Variants in PDE7B observed in about 807,000 individuals in gnomAD.
PDE7B encodes the protein phosphodiesterase 7B.
In PDE7B, 29 loss-of-function variants were observed where a neutral mutation model predicts 56.2. The ratio of observed to expected loss-of-function variants is 0.52; its 90% CI spans 0.38 to 0.70. PDE7B has a LOEUF of 0.70. PDE7B is among the 30% of genes least tolerant of loss of function. PDE7B has a pLI of 0.00. For synonymous variants in PDE7B, 197 were observed against 196.9 expected (o/e 1.00, Z 0.00); for missense variants, 490 against 565.0 (o/e 0.87, Z 1.35).
At chr6:135,971,672 A>T (rs1308732473) in intron 2 of PDE7B, among the ~76,000 whole-genome samples, 1 of 152,188 alleles carries the variant, frequency 6.6e-6, no homozygotes, top group Non-Finnish European at 1.5e-5. Context: ...CATTGGTATG[A>T]GTTCTAACTC....
chr6:135,920,979 G>A (rs975469127), intron 1 of PDE7B, among the ~76,000 whole-genome samples: 1 of 152,118 alleles, frequency 6.6e-6, no homozygotes, highest in African/African-American at 2.4e-5. Flanking sequence ...CTCTTGGGAG[G>A]TGCCAGCAAA....
chr6:136,104,647 T>C (rs1159210588), intron 2 of PDE7B, among the ~76,000 whole-genome samples: 1 of 152,234 alleles, frequency 6.6e-6, no homozygotes, highest in East Asian at 1.9e-4. Context: ...TCTTACTACA[T>C]GAGCGCTTCC....
chr6:136,021,294 G>C (rs946268306), intron 2 of PDE7B, among the ~76,000 whole-genome samples: 1 of 152,122 alleles, frequency 6.6e-6, no homozygotes, highest in Non-Finnish European at 1.5e-5. Context: ...CACAAGAGCC[G>C]CTGCTCTTTT....
chr6:135,981,341 G>A (rs1020084181), intron 2 of PDE7B, among the ~76,000 whole-genome samples: 5 of 150,500 alleles, frequency 3.3e-5, no homozygotes, highest in South Asian at 4.3e-4. Flanking sequence ...GCTAGATGAC[G>A]AGTTAGAGGG....
chr6:135,953,040 G>A (rs747254462), intron 2 of PDE7B, among the ~76,000 whole-genome samples: 8 of 151,986 alleles, frequency 5.3e-5, no homozygotes, highest in African/African-American at 7.3e-5. Flanking sequence ...CGTATCTGAC[G>A]ACCTGAATTC....
At chr6:136,068,209 A>G (rs1776979085) in intron 2 of PDE7B, among the ~76,000 whole-genome samples, 1 of 152,224 alleles carries the variant, frequency 6.6e-6, no homozygotes, top group Non-Finnish European at 1.5e-5. Flanking sequence ...GCATTTTAAC[A>G]TAAGACATCC....
intron 2 of PDE7B, among the ~76,000 whole-genome samples, chr6:136,036,651 C>T (rs1776329817): frequency 6.6e-6 from 1 of 152,140 alleles, no homozygotes; most frequent in Non-Finnish European, 1.5e-5. Flanking sequence ...TCCTCTTCCC[C>T]AAGTTTCCTC....
chr6:135,998,414 T>C (rs946652599), intron 2 of PDE7B, among the ~76,000 whole-genome samples: 2 of 152,212 alleles, frequency 1.3e-5, no homozygotes, highest in African/African-American at 4.8e-5. Flanking sequence ...AGTAATGTGA[T>C]ATTTATCTTG....
rs775718253 is a variant in PDE7B at position 136,154,045 on chromosome 6, A to G, written c.479-30A>G. ...AGTATACCACTCCTATTTGGGTTTT[A>G]GTTGATTGAGTTATCTGTTTACCTC... is the stretch of plus-strand genomic sequence containing the variant. On this transcript the variant is annotated intron_variant, in intron 6 of 12. Transcript: ENST00000308191. The G allele has an allele frequency of 3.3e-6, 5 of 1,500,118 alleles. No individual in the cohort carries two copies. The East Asian group carries it at 1.1e-4, about 34-fold the overall frequency. The allele number at this position is 1,500,118 out of a possible 1,614,324, so 92.9% of individuals were successfully genotyped here.
chr6:136,045,826 C>T (rs546356598), intron 2 of PDE7B, among the ~76,000 whole-genome samples: 4 of 151,796 alleles, frequency 2.6e-5, no homozygotes, highest in East Asian at 1.9e-4. Context: ...TGGGAATGAA[C>T]GTAAATCTTC....
chr6:135,889,972 C>T (rs1320219061), intron 1 of PDE7B, among the ~76,000 whole-genome samples: 3 of 151,402 alleles, frequency 2.0e-5, no homozygotes, highest in East Asian at 3.9e-4. Flanking sequence ...AGGCTGGTCT[C>T]GAACTCCTGA....
chr6:136,162,572 C>T (rs1369311437), intron 8 of PDE7B, among the ~76,000 whole-genome samples: 1 of 152,136 alleles, frequency 6.6e-6, no homozygotes, highest in Non-Finnish European at 1.5e-5. Flanking sequence ...ATCTCATGTC[C>T]TCACATTTCA....
chr6:136,110,437 C>G (rs1357314387), intron 3 of PDE7B, among the ~76,000 whole-genome samples: 1 of 152,114 alleles, frequency 6.6e-6, no homozygotes, highest in African/African-American at 2.4e-5. Context: ...TTCATATAGA[C>G]CAGAACGCTC....
At chr6:135,943,201 G>T (rs187105902) in intron 1 of PDE7B, among the ~76,000 whole-genome samples, 1 of 152,216 alleles carries the variant, frequency 6.6e-6, no homozygotes, top group African/African-American at 2.4e-5. Flanking sequence ...ATTTAAATCA[G>T]TACATTCTTG....
intron 1 of PDE7B, among the ~76,000 whole-genome samples, chr6:135,946,390 G>T (rs886644507): frequency 2.6e-5 from 4 of 151,878 alleles, no homozygotes; most frequent in Admixed American, 6.6e-5. Flanking sequence ...AGACATTAAA[G>T]TTGTATATGA....
intron 1 of PDE7B, among the ~76,000 whole-genome samples, chr6:135,894,006 C>A (rs1307549573): frequency 6.6e-6 from 1 of 152,116 alleles, no homozygotes; most frequent in Non-Finnish European, 1.5e-5. Context: ...TTATATTCCA[C>A]CCACTTCCAA....
At chr6:136,018,856 T>C (rs943515574) in intron 2 of PDE7B, among the ~76,000 whole-genome samples, 2 of 152,084 alleles carry the variant, frequency 1.3e-5, no homozygotes. Context: ...ACTTTGGTGA[T>C]CTTGCTTCAC....
At position 135,947,387 on chromosome 6, in the gene PDE7B, T is replaced by A. The variant is rs1774611986; in HGVS notation, c.22-77T>A. 4 of 1,085,214 alleles carry A rather than the reference T, an allele frequency of 3.7e-6. No homozygotes were observed. In the East Asian group the frequency reaches 9.5e-5, roughly 26 times the overall value. 67.2% of individuals were successfully genotyped at this position (1,085,214 alleles called of 1,614,324 possible). ...AAAGTAGAATAATGTTATGGTAATG[T>A]CAGGTCACATGGATATATTGTCTTG... On this transcript the variant is annotated intron_variant, in intron 1 of 12. Coordinates refer to ENST00000308191, the MANE Select transcript of PDE7B (RefSeq NM_018945.4).
rs1562445464 is a variant in PDE7B, at chr6:135,935,194, A to ATATATATATATTTT, written c.22-12259_22-12258insTTTTATATATATAT. Among the ~76,000 whole-genome samples the ATATATATATATTTT allele has an allele frequency of 7.9e-4, 61 of 77,208 alleles. 11 individuals carry two copies. Among genetic ancestry groups the ATATATATATATTTT allele is most frequent in the Admixed American group, 1.8e-3 (11 of 5,974 alleles). 50.7% of individuals were successfully genotyped at this position (77,208 alleles called of 152,430 possible). ...ATTTTATATATATATATTTATTTAT[A>ATATATATATATTTT]TATATATATATATATATATATATTT... On this transcript the variant is annotated intron_variant, in intron 1 of 12. Transcript: ENST00000308191.
Sources: gnomAD v4.1 joint callset for allele counts (sites outside exome capture counted in the v4.1 genomes callset) on GRCh38, gnomAD v4.1.1 for gene constraint, MANE v1.5 for transcripts, NCBI Gene and HGNC (gene_info 2026-07-23, HGNC 2026-07-21) for gene names.